The following EXOC6B variants were observed in gnomAD, a reference collection of about 807,000 sequenced individuals.
EXOC6B encodes the protein SEC15 homolog B.
A neutral mutation model predicts 113.5 loss-of-function variants in EXOC6B; 54 were observed. That is an observed-to-expected ratio of 0.48 (90% CI 0.38 to 0.60). EXOC6B has a LOEUF of 0.60. Among genes scored for constraint, EXOC6B ranks in the 20% least tolerant of loss-of-function variants. EXOC6B has a pLI of 0.00. For synonymous variants in EXOC6B, 357 were observed against 339.0 expected, an observed-to-expected ratio of 1.05 and a Z score of -0.58; for missense variants, 797 against 977.5, an observed-to-expected ratio of 0.82 and a Z score of 2.46.
In EXOC6B at chr2:72,178,117, C is replaced by T. The variant is rs1677848743; in HGVS notation, c.*1218G>A. On this transcript the variant is annotated 3_prime_UTR_variant, in exon 22 of 22. Coordinates refer to ENST00000272427, the MANE Select transcript of EXOC6B (RefSeq NM_015189.3). ...TGGGGATCTCAAAAGAGGGTGGGAACCTTGGGCTTGAGCAACAAAATAATA... is the reference window on the plus strand; with the variant it reads ...TGGGGATCTCAAAAGAGGGTGGGAATCTTGGGCTTGAGCAACAAAATAATA... 1 of 152,132 alleles carries T rather than the reference C, an allele frequency of 6.6e-6. No individual in the cohort carries two copies. Among genetic ancestry groups the T allele is most frequent in the South Asian group, 2.1e-4 (1 of 4,820 alleles). 9.4% of individuals were successfully genotyped at this position (152,132 alleles called of 1,614,324 possible).
intron 20 of EXOC6B, among the ~76,000 whole-genome samples, chr2:72,283,758 C>G (rs898689256): frequency 1.2e-4 from 18 of 152,186 alleles, no homozygotes; most frequent in Admixed American, 1.2e-3. Flanking sequence ...CCCTAACTTA[C>G]TGTGATTTTA....
intron 20 of EXOC6B, among the ~76,000 whole-genome samples, chr2:72,305,191 G>T (rs149916939): frequency 6.6e-6 from 1 of 152,118 alleles, no homozygotes; most frequent in Non-Finnish European, 1.5e-5. Flanking sequence ...GAAAGGTTAC[G>T]AATTTGTCCA....
At chr2:72,244,602 A>T (rs1397013618) in intron 20 of EXOC6B, among the ~76,000 whole-genome samples, 1 of 152,078 alleles carries the variant, frequency 6.6e-6, no homozygotes, top group East Asian at 1.9e-4. Flanking sequence ...ATGAAAATTG[A>T]CAAAAACCTG....
At chr2:72,706,767 C>G (rs1678906850) in intron 6 of EXOC6B, among the ~76,000 whole-genome samples, 1 of 152,160 alleles carries the variant, frequency 6.6e-6, no homozygotes, top group Non-Finnish European at 1.5e-5. Flanking sequence ...TTCTTTGACA[C>G]TCATCCTATC....
chr2:72,628,252 T>C (rs915653490), intron 6 of EXOC6B, among the ~76,000 whole-genome samples: 4 of 151,790 alleles, frequency 2.6e-5, no homozygotes, highest in Non-Finnish European at 2.9e-5. Context: ...GCCTCCCAAG[T>C]AGCTAGGACA....
chr2:72,500,892 A>G (rs1700284002), intron 11 of EXOC6B, among the ~76,000 whole-genome samples: 2 of 152,142 alleles, frequency 1.3e-5, no homozygotes, highest in South Asian at 2.1e-4. Flanking sequence ...TCTTCATATT[A>G]CTAACAGTTT....
chr2:72,410,622 T>C (rs1355502159), intron 18 of EXOC6B, among the ~76,000 whole-genome samples: 1 of 152,194 alleles, frequency 6.6e-6, no homozygotes, highest in Non-Finnish European at 1.5e-5. Flanking sequence ...ACACACCACA[T>C]GTTAAAAGAT....
intron 1 of EXOC6B, among the ~76,000 whole-genome samples, chr2:72,751,501 G>C (rs1387162671): frequency 6.6e-6 from 1 of 152,068 alleles, no homozygotes; most frequent in Non-Finnish European, 1.5e-5. Flanking sequence ...ATCAGACTTA[G>C]ATTTTCAGGT....
intron 20 of EXOC6B, among the ~76,000 whole-genome samples, chr2:72,246,415 A>G (rs1046934037): frequency 2.6e-5 from 4 of 152,076 alleles, no homozygotes; most frequent in African/African-American, 7.2e-5. Context: ...TATGTGTAGT[A>G]CCTGGTACAC....
intron 6 of EXOC6B, among the ~76,000 whole-genome samples, chr2:72,670,538 A>G (rs1675717579): frequency 6.6e-6 from 1 of 152,184 alleles, no homozygotes; most frequent in South Asian, 2.1e-4. Flanking sequence ...TTCCTAAAAG[A>G]TAAGTTTGAT....
intron 6 of EXOC6B, among the ~76,000 whole-genome samples, chr2:72,603,212 TG>T (rs758932397): frequency 6.6e-6 from 1 of 151,814 alleles, no homozygotes; most frequent in Non-Finnish European, 1.5e-5. Context: ...AGCCTTTTCA[TG>T]GAAATCATTA....
At chr2:72,328,783 T>A (rs1345597291) in intron 20 of EXOC6B, among the ~76,000 whole-genome samples, 1 of 152,142 alleles carries the variant, frequency 6.6e-6, no homozygotes, top group Non-Finnish European at 1.5e-5. Context: ...ATTTCATTTC[T>A]CATCTGCCCT....
intron 7 of EXOC6B, among the ~76,000 whole-genome samples, chr2:72,561,461 T>C (rs1482358469): frequency 1.3e-5 from 2 of 152,156 alleles, no homozygotes. Flanking sequence ...TTTGTTTATA[T>C]GTTCTTCTTC....
At chr2:72,585,177 T>G (rs976552250) in intron 6 of EXOC6B, among the ~76,000 whole-genome samples, 1 of 143,000 alleles carries the variant, frequency 7.0e-6, no homozygotes, top group Non-Finnish European at 1.5e-5. Context: ...AATACTGAGA[T>G]GCAAAAATGC....
intron 12 of EXOC6B, among the ~76,000 whole-genome samples, chr2:72,499,318 C>T (rs957901877): frequency 6.6e-6 from 1 of 151,618 alleles, no homozygotes; most frequent in African/African-American, 2.4e-5. Context: ...GCAACCTCCA[C>T]CTCCCAGGTT....
chr2:72,308,910 G>C (rs1176209386), intron 20 of EXOC6B, among the ~76,000 whole-genome samples: 3 of 151,996 alleles, frequency 2.0e-5, no homozygotes. Flanking sequence ...TGAAGATGAT[G>C]ACTATAAATG....
chr2:72,222,356 G>A (rs756614211), intron 20 of EXOC6B, among the ~76,000 whole-genome samples: 1 of 152,140 alleles, frequency 6.6e-6, no homozygotes, highest in Non-Finnish European at 1.5e-5. Context: ...AAAGTATGGG[G>A]GAAAATGTTT....
chr2:72,495,631 T>G (rs1028644661), intron 14 of EXOC6B, 92 bp from the exon 15 acceptor site: 5 of 722,970 alleles, frequency 6.9e-6, no homozygotes, highest in Non-Finnish European at 1.2e-5. Flanking sequence ...GAACATTCTT[T>G]CACATTGTGA....
rs1365772485 is a variant in EXOC6B at position 72,383,122 on chromosome 2, CA to C, written c.1981-3253del. 2.0e-5 allele frequency among the ~76,000 whole-genome samples: 3 copies of C among 152,216 alleles called. No individual in the cohort carries two copies. The East Asian group carries it at 5.8e-4, about 29-fold the overall frequency. ...ACAAAGACCCTAAAAGCAATTGTAA[CA>C]AACGCAAAAACTGACAAATGGGATC... is the stretch of plus-strand genomic sequence containing the variant. On this transcript the variant is annotated intron_variant, in intron 18 of 21. Coordinates refer to ENST00000272427, the MANE Select transcript of EXOC6B (RefSeq NM_015189.3).
Sources: gnomAD v4.1 joint callset for allele counts (sites outside exome capture counted in the v4.1 genomes callset) on GRCh38, gnomAD v4.1.1 for gene constraint, MANE v1.5 for transcripts, NCBI Gene and HGNC (gene_info 2026-07-23, HGNC 2026-07-21) for gene names.